The following PRRX1 variants were observed in gnomAD, a reference collection of about 807,000 sequenced individuals.
PRRX1 encodes the protein paired related homeobox 1.
PRRX1 carries 8 observed loss-of-function variants against 24.0 expected under a neutral mutation model. The observed-to-expected ratio is 0.33, with a 90% CI of 0.20 to 0.60. The LOEUF (loss-of-function observed/expected upper bound fraction) is 0.60. Ranked by LOEUF, PRRX1 falls within the 20% of genes least tolerant of loss-of-function variation. PRRX1 has a pLI of 0.82. For missense variants in PRRX1, 281 were observed against 322.4 expected (o/e 0.87, Z 0.98); for synonymous variants, 160 against 131.7 (o/e 1.22, Z -1.47).
chr1:170,722,276 A>C (rs531414745), intron 2 of PRRX1, among the ~76,000 whole-genome samples: 1 of 152,216 alleles, frequency 6.6e-6, no homozygotes, highest in African/African-American at 2.4e-5. Context: ...TATTATATTG[A>C]GTTGTATCTG....
At chr1:170,690,678 T>A (rs1226929450) in intron 1 of PRRX1, among the ~76,000 whole-genome samples, 1 of 143,464 alleles carries the variant, frequency 7.0e-6, no homozygotes, top group Non-Finnish European at 1.6e-5. Context: ...ATAATTATAA[T>A]ATAAATTAGA....
At chr1:170,662,867 T>C (rs1206827550), upstream of PRRX1, 1 of 152,166 alleles carries the variant, frequency 6.6e-6, no homozygotes, top group Non-Finnish European at 1.5e-5. Context: ...AACAGGATCT[T>C]AAACAAATCT....
intron 1 of PRRX1, among the ~76,000 whole-genome samples, chr1:170,708,133 T>A (rs1191839468): frequency 6.6e-6 from 1 of 152,206 alleles, no homozygotes; most frequent in Admixed American, 6.5e-5. Flanking sequence ...AGATTTCAGA[T>A]GATGAGGATT....
chr1:170,690,236 A>G (rs773488461), intron 1 of PRRX1, among the ~76,000 whole-genome samples: 2 of 151,986 alleles, frequency 1.3e-5, no homozygotes, highest in Non-Finnish European at 2.9e-5. Context: ...ATGAGCTTAT[A>G]GTTTAGCAGA....
intron 1 of PRRX1, among the ~76,000 whole-genome samples, chr1:170,703,293 C>A (rs941306502): frequency 1.3e-5 from 2 of 152,216 alleles, no homozygotes; most frequent in African/African-American, 4.8e-5. Context: ...GCCAAACTAC[C>A]AGATGTCGTC....
chr1:170,720,666 A>C (rs78684576), intron 2 of PRRX1, among the ~76,000 whole-genome samples: 3,565 of 152,320 alleles, frequency 0.023, 141 homozygotes, highest in African/African-American at 0.077. Context: ...CATGAGTATG[A>C]GCACTGATGG....
chr1:170,732,897 C>T (rs564126226), intron 3 of PRRX1, among the ~76,000 whole-genome samples: 4 of 152,280 alleles, frequency 2.6e-5, no homozygotes, highest in African/African-American at 9.6e-5. Flanking sequence ...GGCATTGTCA[C>T]AGACTTGCCT....
chr1:170,717,316 C>T (rs1254982454), intron 1 of PRRX1, among the ~76,000 whole-genome samples: 2 of 152,196 alleles, frequency 1.3e-5, no homozygotes, highest in Non-Finnish European at 2.9e-5. Context: ...TTTGATTGAA[C>T]AGTGGAATAT....
intron 1 of PRRX1, among the ~76,000 whole-genome samples, chr1:170,683,997 A>G (rs752599931): frequency 2.2e-4 from 34 of 152,236 alleles, no homozygotes; most frequent in Admixed American, 5.9e-4. Flanking sequence ...TGTATTCAGC[A>G]TCATGCCAAG....
At chr1:170,733,787 G>A (rs1220295614) in intron 3 of PRRX1, among the ~76,000 whole-genome samples, 1 of 151,992 alleles carries the variant, frequency 6.6e-6, no homozygotes, top group Non-Finnish European at 1.5e-5. Context: ...CGGATTCTTG[G>A]TATACCCTAG....
Position 170,717,673 on chromosome 1 carries a change from G to T in PRRX1, c.242-2053G>T, listed in dbSNP as rs147724129. ...TTCAGATAATTGTGCTATCACAAGG[G>T]CTTGTATTACTTAGAAAGACCTGAA... On this transcript the variant is annotated intron_variant, in intron 1 of 3. Coordinates refer to ENST00000239461, the MANE Select transcript of PRRX1 (RefSeq NM_022716.4). Among the ~76,000 whole-genome samples, 1,114 of 152,116 alleles carry T rather than the reference G, an allele frequency of 7.3e-3. 9 individuals carry two copies. Among genetic ancestry groups the T allele is most frequent in the African/African-American group, 0.026 (1,074 of 41,496 alleles).
intron 1 of PRRX1, among the ~76,000 whole-genome samples, chr1:170,669,580 T>C (rs1468608205): frequency 6.6e-6 from 1 of 152,014 alleles, no homozygotes; most frequent in East Asian, 1.9e-4. Flanking sequence ...CCAGTCTGAT[T>C]TTTTATTTTA....
At chr1:170,674,425 C>G (rs1653242003) in intron 1 of PRRX1, among the ~76,000 whole-genome samples, 1 of 152,206 alleles carries the variant, frequency 6.6e-6, no homozygotes, top group Non-Finnish European at 1.5e-5. Flanking sequence ...CCCATGCTTT[C>G]TTCCAAGATT....
intron 1 of PRRX1, among the ~76,000 whole-genome samples, chr1:170,681,113 G>T (rs937400001): frequency 1.3e-5 from 2 of 152,162 alleles, no homozygotes; most frequent in African/African-American, 4.8e-5. Flanking sequence ...AAGGTGTATT[G>T]AGTACCATAA....
intron 1 of PRRX1, among the ~76,000 whole-genome samples, chr1:170,664,737 G>C (rs1202203437): frequency 6.6e-6 from 1 of 152,252 alleles, no homozygotes; most frequent in Non-Finnish European, 1.5e-5. Flanking sequence ...GTCCGCGGCG[G>C]ACTCTCTTTA....
At chr1:170,680,247 GA>G (rs1232864585) in intron 1 of PRRX1, among the ~76,000 whole-genome samples, 1 of 151,994 alleles carries the variant, frequency 6.6e-6, no homozygotes, top group Non-Finnish European at 1.5e-5. Flanking sequence ...CATCTGCCCT[GA>G]ATGATAGACC....
In PRRX1 at chr1:170,681,428, G is replaced by T. The variant is rs1653501399; in HGVS notation, c.241+16969G>T. ...TGGAACATAGAACTCTTGTAACTGT[G>T]GTACCTGACTGTGCTAGAATTACAA... On this transcript the variant is annotated intron_variant, in intron 1 of 3. Coordinates refer to ENST00000239461, the MANE Select transcript of PRRX1 (RefSeq NM_022716.4). 1.3e-5 allele frequency among the ~76,000 whole-genome samples: 2 copies of T among 151,662 alleles called. 1 individual carries two copies. The highest frequency in any genetic ancestry group is 4.1e-4 in the South Asian group (2 of 4,820).
intron 1 of PRRX1, among the ~76,000 whole-genome samples, chr1:170,664,819 G>A (rs539465369): frequency 3.3e-4 from 50 of 152,348 alleles, no homozygotes; most frequent in Admixed American, 1.5e-3. Flanking sequence ...AGGTCTTAGC[G>A]GGGTGCAAAC....
At chr1:170,735,703 G>A (rs1655579256) in intron 3 of PRRX1, among the ~76,000 whole-genome samples, 1 of 152,102 alleles carries the variant, frequency 6.6e-6, no homozygotes, top group African/African-American at 2.4e-5. Context: ...ATTAAATACT[G>A]TTTTAATAAG....
Sources: allele counts gnomAD v4.1 joint callset (sites outside exome capture counted in the v4.1 genomes callset), GRCh38; gene constraint gnomAD v4.1.1; transcripts MANE v1.5; gene names NCBI Gene and HGNC (gene_info 2026-07-23, HGNC 2026-07-21).